Variants in LRRC39 observed in about 807,000 individuals in gnomAD.
LRRC39 encodes the protein leucine-rich repeat-containing protein 39.
In LRRC39, 35 loss-of-function variants were observed where a neutral mutation model predicts 39.7. The observed-to-expected ratio is 0.88, with a 90% confidence interval of 0.67 to 1.17. The LOEUF (loss-of-function observed/expected upper bound fraction) is 1.17, where lower values mean the gene tolerates loss of function less well. LRRC39 is among the 50% of genes most tolerant of loss of function. LRRC39 has a pLI of 0.00. For missense variants in LRRC39, 357 were observed against 385.8 expected, an observed-to-expected ratio of 0.93 and a Z score of 0.62; for synonymous variants, 113 against 134.1, an observed-to-expected ratio of 0.84 and a Z score of 1.09.
At position 100,149,191 on chromosome 1, in the gene LRRC39, T is replaced by C. The variant is rs1330517730; in HGVS notation, c.953-94A>G. 32 of 1,511,968 alleles carry C rather than the reference T, an allele frequency of 2.1e-5. No homozygotes were observed. In the Admixed American group the frequency reaches 7.7e-4, roughly 37 times the overall value. 93.7% of individuals were successfully genotyped at this position (1,511,968 alleles called of 1,614,324 possible). On this transcript the variant is annotated intron_variant, in intron 9 of 9. Transcript: ENST00000370137. ...CTTCCTTTGATTTTATTTAATATTTTTTATTTCTTAAGTTCAAGAGGTAGT... is the reference window on the plus strand; with the variant it reads ...CTTCCTTTGATTTTATTTAATATTTCTTATTTCTTAAGTTCAAGAGGTAGT...
intron 2 of LRRC39, among the ~76,000 whole-genome samples, chr1:100,172,577 C>T (rs2101797596): frequency 6.6e-6 from 1 of 151,790 alleles, no homozygotes; most frequent in South Asian, 2.1e-4. Context: ...AATCCTAGCA[C>T]TTTGGGAGGC....
rs34385197 is a variant in LRRC39, at chr1:100,168,475, T to A, written c.42A>T (p.Val14=). The change falls in exon 3 of 10, where the codon GTA becomes GTT. Residue 14 remains valine, a synonymous_variant. Transcript: ENST00000370137. ...TTATTCTTTTTTCCCAAACTTCCTT[T>A]ACAGCATTGACAGCCCCAGTACAAA... ...NVVCTGAVNA[V]KEVWEKRIKK... is the part of the protein sequence containing the mutation. 1,870 of 1,612,668 alleles carry A rather than the reference T, an allele frequency of 1.2e-3. 28 individuals carry two copies. In the African/African-American group the frequency reaches 0.022, roughly 19 times the overall value.
intron 3 of LRRC39, among the ~76,000 whole-genome samples, chr1:100,165,629 C>T (rs1484936177): frequency 6.6e-6 from 1 of 152,028 alleles, no homozygotes; most frequent in Non-Finnish European, 1.5e-5. Context: ...AGCTTCTTGC[C>T]CCCCACCCTC....
intron 3 of LRRC39, among the ~76,000 whole-genome samples, chr1:100,163,229 T>C (rs573807491): frequency 6.6e-5 from 10 of 152,182 alleles, no homozygotes; most frequent in Non-Finnish European, 1.5e-4. Flanking sequence ...AGAAATGAAA[T>C]TCAGAGCAAG....
chr1:100,161,058 A>T (rs560208739), intron 3 of LRRC39, among the ~76,000 whole-genome samples: 1 of 152,320 alleles, frequency 6.6e-6, no homozygotes, highest in East Asian at 1.9e-4. Flanking sequence ...TAAATTTTTT[A>T]AAAGTATCAT....
chr1:100,162,713 C>G (rs1300062773), intron 3 of LRRC39, among the ~76,000 whole-genome samples: 1 of 151,620 alleles, frequency 6.6e-6, no homozygotes, highest in African/African-American at 2.4e-5. Context: ...AAATTCTTCA[C>G]TCATGAAAAA....
At chr1:100,161,722 C>T (rs1366692519) in intron 3 of LRRC39, among the ~76,000 whole-genome samples, 4 of 152,182 alleles carry the variant, frequency 2.6e-5, no homozygotes, top group Non-Finnish European at 5.9e-5. Flanking sequence ...TCACGGCTCA[C>T]TGCAGCTTCA....
intron 9 of LRRC39, among the ~76,000 whole-genome samples, chr1:100,150,946 G>T (rs1657939758): frequency 6.6e-6 from 1 of 151,894 alleles, no homozygotes; most frequent in African/African-American, 2.4e-5. Context: ...TGACCAATAT[G>T]GTGAAACCCT....
intron 1 of LRRC39, among the ~76,000 whole-genome samples, chr1:100,175,983 T>C (rs1659931350): frequency 6.6e-6 from 1 of 152,188 alleles, no homozygotes; most frequent in South Asian, 2.1e-4. Flanking sequence ...ACTTATGTAC[T>C]AATATTGAAG....
intron 8 of LRRC39, among the ~76,000 whole-genome samples, chr1:100,153,614 G>A (rs150675589): frequency 1.1e-4 from 17 of 151,994 alleles, no homozygotes; most frequent in African/African-American, 2.9e-4. Context: ...CCCCACAAGC[G>A]GGCAAAGGAC....
intron 3 of LRRC39, among the ~76,000 whole-genome samples, chr1:100,161,353 A>G (rs900364166): frequency 1.3e-4 from 20 of 152,190 alleles, no homozygotes; most frequent in African/African-American, 4.3e-4. Flanking sequence ...CATACAATAT[A>G]TAGCCTTTGT....
At chr1:100,167,004 C>G (rs1557927976) in intron 3 of LRRC39, among the ~76,000 whole-genome samples, 2 of 152,256 alleles carry the variant, frequency 1.3e-5, no homozygotes, top group Admixed American at 1.3e-4. Context: ...TCTTTATCAG[C>G]AGCATGAAAA....
At position 100,176,264 on chromosome 1, in the gene LRRC39, T is replaced by G. The variant is rs1224957373; in HGVS notation, c.-119+1871A>C. ...CAACATGGTGAAACCCCGTCTCTAC[T>G]AAAAAAACATAAAATTAGCCAGGCG... On this transcript the variant is annotated intron_variant, in intron 1 of 9. Coordinates refer to ENST00000370137, the MANE Select transcript of LRRC39 (RefSeq NM_144620.4). 2.0e-5 allele frequency among the ~76,000 whole-genome samples: 3 copies of G among 152,026 alleles called. 1 individual carries two copies. The highest frequency in any genetic ancestry group is 4.4e-5 in the Non-Finnish European group (3 of 67,998).
chr1:100,171,314 G>T (rs1166710966), intron 2 of LRRC39, among the ~76,000 whole-genome samples: 1 of 151,922 alleles, frequency 6.6e-6, no homozygotes, highest in Non-Finnish European at 1.5e-5. Flanking sequence ...ACACATGGAA[G>T]AGTCACAGAA....
At chr1:100,171,506 T>C (rs888533573) in intron 2 of LRRC39, among the ~76,000 whole-genome samples, 4 of 148,676 alleles carry the variant, frequency 2.7e-5, no homozygotes, top group African/African-American at 2.5e-5. Context: ...CTTTCTTCTT[T>C]TTTTTTTTTT....
At chr1:100,153,587 A>G (rs1056308857) in intron 8 of LRRC39, among the ~76,000 whole-genome samples, 3 of 152,180 alleles carry the variant, frequency 2.0e-5, no homozygotes, top group Non-Finnish European at 4.4e-5. Context: ...CAAAGAACTC[A>G]ACAAGAAAAA....
chr1:100,152,393 C>T lies in LRRC39; in HGVS notation c.944G>A (p.Arg315Lys). 6.2e-7 allele frequency: 1 copy of T among 1,613,708 alleles called. No homozygotes were observed. The highest frequency in any genetic ancestry group is 1.1e-5 in the South Asian group (1 of 91,024). Residue 315 changes from arginine to lysine, a missense_variant, in exon 9 of 10, where the codon AGA becomes AAA. Physicochemically the swap from Arg to Lys is conservative, Grantham distance 26 (BLOSUM62 2). Transcript: ENST00000370137. ...FMHTYIQESR[R>K]RADHQVNGST... is the part of the protein sequence containing the mutation. Reference sequence around the variant, plus strand: ...ATATACAAATCTTATACCTGCTCTTCTCCGTGACTCTTGTATGTATGTGTG... The same window carrying T: ...ATATACAAATCTTATACCTGCTCTTTTCCGTGACTCTTGTATGTATGTGTG...
Position 100,168,629 on chromosome 1 carries a change from A to G in LRRC39, c.-78-35T>C, listed in dbSNP as rs184187036. ...CCAGAGAAAAAAAGCAATGTTTCAG[A>G]CTGTTCATTGAGTACCATAATGATC... On this transcript the variant is annotated intron_variant, in intron 2 of 9. Transcript: ENST00000370137. The G allele has an allele frequency of 2.5e-4, 185 of 743,028 alleles. No individual in the cohort carries two copies. In the East Asian group the frequency reaches 4.3e-3, roughly 17 times the overall value. 46.0% of individuals were successfully genotyped at this position (743,028 alleles called of 1,614,324 possible).
chr1:100,166,141 C>T (rs889409347), intron 3 of LRRC39, among the ~76,000 whole-genome samples: 3 of 152,098 alleles, frequency 2.0e-5, no homozygotes, highest in African/African-American at 7.2e-5. Flanking sequence ...GTGAGGCCTC[C>T]CCAGCCATGT....
Sources: allele counts gnomAD v4.1 joint callset (sites outside exome capture counted in the v4.1 genomes callset), GRCh38; gene constraint gnomAD v4.1.1; transcripts MANE v1.5; gene names NCBI Gene and HGNC (gene_info 2026-07-23, HGNC 2026-07-21).